GSG1L: variants seen among roughly 807,000 people sequenced by gnomAD.
GSG1L encodes the protein germ cell-specific gene 1-like protein.
GSG1L carries 24 observed loss-of-function variants against 42.1 expected under a neutral mutation model. That is an observed-to-expected ratio of 0.57 (90% confidence interval 0.41 to 0.80). The LOEUF (loss-of-function observed/expected upper bound fraction) is 0.80, where lower values mean the gene tolerates loss of function less well. Among genes scored for constraint, GSG1L ranks in the 30% least tolerant of loss-of-function variants. The pLI is 0.00. For missense variants in GSG1L, 445 were observed against 472.2 expected (o/e 0.94, Z 0.53); for synonymous variants, 215 against 203.5 (o/e 1.06, Z -0.48).
At chr16:28,039,474 C>G (rs376192620) in intron 1 of GSG1L, among the ~76,000 whole-genome samples, 10 of 152,190 alleles carry the variant, frequency 6.6e-5, no homozygotes, top group East Asian at 3.9e-4. Context: ...TGATCTGGTA[C>G]CAAATGTTAA....
intron 5 of GSG1L, among the ~76,000 whole-genome samples, chr16:27,820,249 G>A (rs1440640542): frequency 6.6e-6 from 1 of 152,210 alleles, no homozygotes; most frequent in East Asian, 1.9e-4. Flanking sequence ...CTAATATGGG[G>A]GCCCTCGGCC....
intron 1 of GSG1L, among the ~76,000 whole-genome samples, chr16:27,975,144 A>G (rs1272629172): frequency 6.6e-6 from 1 of 152,038 alleles, no homozygotes; most frequent in East Asian, 1.9e-4. Context: ...TGGGAACCAC[A>G]CTTTGAGAGC....
chr16:27,907,253 C>T (rs997378917), intron 2 of GSG1L, among the ~76,000 whole-genome samples: 2 of 152,146 alleles, frequency 1.3e-5, no homozygotes, highest in Non-Finnish European at 2.9e-5. Flanking sequence ...CCAGGAGAGC[C>T]GAGCAGAGAG....
intron 6 of GSG1L, among the ~76,000 whole-genome samples, chr16:27,797,251 C>A (rs1418799540): frequency 6.6e-6 from 1 of 152,130 alleles, no homozygotes; most frequent in Non-Finnish European, 1.5e-5. Context: ...CTGCTGGGTG[C>A]AGTGGCAGTG....
intron 3 of GSG1L, among the ~76,000 whole-genome samples, chr16:27,882,074 G>A (rs1053211230): frequency 6.6e-6 from 1 of 152,138 alleles, no homozygotes; most frequent in Non-Finnish European, 1.5e-5. Flanking sequence ...TAATTCCCAC[G>A]TGTCATGGGA....
intron 2 of GSG1L, among the ~76,000 whole-genome samples, chr16:27,945,261 G>C (rs1428500981): frequency 4.6e-5 from 7 of 151,978 alleles, no homozygotes; most frequent in African/African-American, 7.2e-5. Context: ...CTTTAAACAG[G>C]CAAATTGAAT....
chr16:27,794,129 C>T lies in GSG1L; in HGVS notation c.899-2662G>A, dbSNP rs117341477. The stretch of plus-strand genomic sequence containing the variant: ...TCCTAGGTTTAAACAATCCTCTTGC[C>T]TCAGTCTTCTGAGTAGCTGTGACTG... On this transcript the variant is annotated intron_variant, in intron 6 of 6. Coordinates refer to ENST00000447459, the MANE Select transcript of GSG1L (RefSeq NM_001109763.2). Among the ~76,000 whole-genome samples the T allele has an allele frequency of 1.8e-4, 28 of 152,272 alleles. No homozygotes were observed. In the East Asian group the frequency reaches 5.4e-3, roughly 29 times the overall value.
intron 2 of GSG1L, among the ~76,000 whole-genome samples, chr16:27,942,443 C>T (rs2084811585): frequency 8.8e-6 from 1 of 113,530 alleles, no homozygotes; most frequent in Admixed American, 9.1e-5. Context: ...AGCCACCGCA[C>T]CTGGCCAAAA....
At chr16:27,883,209 A>G (rs1186894934) in intron 3 of GSG1L, among the ~76,000 whole-genome samples, 1 of 151,594 alleles carries the variant, frequency 6.6e-6, no homozygotes, top group East Asian at 1.9e-4. Flanking sequence ...AAACAAGCAC[A>G]GTGCCCAGTT....
chr16:27,924,171 A>G (rs1166878242), intron 2 of GSG1L, among the ~76,000 whole-genome samples: 1 of 151,592 alleles, frequency 6.6e-6, no homozygotes, highest in African/African-American at 2.4e-5. Flanking sequence ...ATATGCACAA[A>G]TATATATAAT....
intron 2 of GSG1L, among the ~76,000 whole-genome samples, chr16:27,886,040 G>A (rs2084024570): frequency 6.6e-6 from 1 of 152,160 alleles, no homozygotes; most frequent in African/African-American, 2.4e-5. Context: ...TGGGCTCCAT[G>A]ATGGGGACAT....
chr16:27,939,647 A>G (rs944382352), intron 2 of GSG1L, among the ~76,000 whole-genome samples: 4 of 152,196 alleles, frequency 2.6e-5, no homozygotes, highest in Non-Finnish European at 5.9e-5. Context: ...CACTGTATGT[A>G]ATATATTTAG....
chr16:28,028,991 C>T (rs1000172076), intron 1 of GSG1L, among the ~76,000 whole-genome samples: 1 of 152,144 alleles, frequency 6.6e-6, no homozygotes, highest in African/African-American at 2.4e-5. Flanking sequence ...GGCAGGGCAC[C>T]AGGCGACCCA....
intron 4 of GSG1L, among the ~76,000 whole-genome samples, chr16:27,844,603 A>G (rs1215801364): frequency 1.3e-5 from 2 of 152,252 alleles, no homozygotes; most frequent in African/African-American, 4.8e-5. Context: ...GTGTTCCAAG[A>G]AAACCTTATT....
intron 5 of GSG1L, among the ~76,000 whole-genome samples, chr16:27,818,380 G>A (rs2140954803): frequency 6.6e-6 from 1 of 152,250 alleles, no homozygotes; most frequent in South Asian, 2.1e-4. Flanking sequence ...GTGTATGGGT[G>A]CTGGCTGACG....
chr16:27,822,200 T>G (rs1213624534), intron 5 of GSG1L, among the ~76,000 whole-genome samples: 1 of 152,094 alleles, frequency 6.6e-6, no homozygotes, highest in Non-Finnish European at 1.5e-5. Flanking sequence ...CATTAGCTCA[T>G]TTTCCAGCCA....
At chr16:27,816,184 A>C (rs978840632) in intron 5 of GSG1L, among the ~76,000 whole-genome samples, 2 of 152,164 alleles carry the variant, frequency 1.3e-5, no homozygotes, top group Non-Finnish European at 2.9e-5. Flanking sequence ...GTAATGCACT[A>C]TCCGGTGCCC....
intron 1 of GSG1L, among the ~76,000 whole-genome samples, chr16:27,971,093 G>A (rs2085188395): frequency 1.3e-5 from 2 of 151,968 alleles, no homozygotes; most frequent in Admixed American, 1.3e-4. Context: ...TTCAACTTTG[G>A]CCTTCATTTT....
intron 2 of GSG1L, among the ~76,000 whole-genome samples, chr16:27,941,383 A>C (rs1376705202): frequency 1.3e-5 from 2 of 151,406 alleles, no homozygotes; most frequent in Non-Finnish European, 2.9e-5. Context: ...TAAGAATGAC[A>C]CAATGGGCTG....
Sources: gnomAD v4.1 joint callset for allele counts (sites outside exome capture counted in the v4.1 genomes callset) on GRCh38, gnomAD v4.1.1 for gene constraint, MANE v1.5 for transcripts, NCBI Gene and HGNC (gene_info 2026-07-23, HGNC 2026-07-21) for gene names.